The following NECAP2 variants were observed in gnomAD, a reference collection of about 807,000 sequenced individuals.
NECAP2 encodes NECAP endocytosis associated 2.
In NECAP2, 38 loss-of-function variants were observed where a neutral mutation model predicts 37.8. The ratio of observed to expected loss-of-function variants is 1.01; its 90% CI spans 0.78 to 1.32. The LOEUF (loss-of-function observed/expected upper bound fraction) is 1.32, where lower values mean the gene tolerates loss of function less well. NECAP2 is among the 40% of genes most tolerant of loss of function. The pLI is 0.00. For synonymous variants in NECAP2, 121 were observed against 127.7 expected (o/e 0.95, Z 0.35); for missense variants, 316 against 334.5 (o/e 0.94, Z 0.43).
In NECAP2 at chr1:16,455,804, G is replaced by T. The variant is rs1421593729; in HGVS notation, c.668-14G>T. On this transcript the variant is annotated splice_polypyrimidine_tract_variant and intron_variant, in intron 6 of 7. Transcript: ENST00000337132. The stretch of plus-strand genomic sequence containing the variant: ...TCTTCTCTTCCTACGGGTCGGACTC[G>T]GGAACATCAATAGGAGGTGCTCCTG... The T allele has an allele frequency of 1.9e-6, 3 of 1,611,622 alleles. No homozygotes were observed. In the East Asian group the frequency reaches 6.7e-5, roughly 36 times the overall value.
chr1:16,455,644 C>A, intron 6 of NECAP2, 174 bp from the exon 7 acceptor site: 1 of 601,552 alleles, frequency 1.7e-6, no homozygotes, highest in Non-Finnish European at 3.0e-6. Context: ...GGAAGTGTGG[C>A]AACTCAGGGT....
At chr1:16,452,271 T>C (rs1364641329) in intron 6 of NECAP2, among the ~76,000 whole-genome samples, 3 of 152,162 alleles carry the variant, frequency 2.0e-5, no homozygotes, top group African/African-American at 7.2e-5. Context: ...ATCATCAACA[T>C]GTCGGTTCCT....
intron 4 of NECAP2, 67 bp from the exon 5 acceptor site, chr1:16,449,026 T>G: frequency 9.8e-6 from 10 of 1,023,092 alleles, no homozygotes; most frequent in Non-Finnish European, 1.5e-5. Flanking sequence ...AGTAGTGAAG[T>G]GAGCCAGTGA....
intron 1 of NECAP2, 31 bp from the exon 2 acceptor site, chr1:16,443,601 G>C: frequency 6.5e-7 from 1 of 1,544,638 alleles, no homozygotes; most frequent in Non-Finnish European, 8.9e-7. Context: ...AGGAGCCTCT[G>C]GCAGAGATTC....
chr1:16,458,981 T>C lies in NECAP2; in HGVS notation c.*91T>C, dbSNP rs780790297. On this transcript the variant is annotated 3_prime_UTR_variant, in exon 8 of 8. Transcript: ENST00000337132. ...AGGACGAAGCCCTCCTCAGCTGGCC[T>C]GTGTTTGGGGCATGAATCTCTCCTC... 3.7e-6 allele frequency: 6 copies of C among 1,606,978 alleles called. No homozygotes were observed. In the Admixed American group the frequency reaches 8.6e-5, roughly 23 times the overall value.
intron 6 of NECAP2, among the ~76,000 whole-genome samples, chr1:16,452,627 G>C (rs1307947948): frequency 6.6e-6 from 1 of 152,138 alleles, no homozygotes; most frequent in Non-Finnish European, 1.5e-5. Context: ...GAGCACCTCG[G>C]GTGTGGGAAT....
chr1:16,458,606 AAAAAC>A (rs2086963962), intron 7 of NECAP2, among the ~76,000 whole-genome samples: 6 of 150,380 alleles, frequency 4.0e-5, no homozygotes, highest in Admixed American at 3.3e-4. Flanking sequence ...AAACAAAACA[AAAAAC>A]AAAACCACAA....
chr1:16,455,768 T>G, intron 6 of NECAP2, 50 bp from the exon 7 acceptor site: 1 of 1,473,696 alleles, frequency 6.8e-7, no homozygotes. Context: ...GTCTCTGACT[T>G]CTCTGTCCCC....
At chr1:16,449,265 AT>A in intron 5 of NECAP2, 64 bp downstream of exon 5, 2 of 1,112,026 alleles carry the variant, frequency 1.8e-6, no homozygotes. Flanking sequence ...CCCAGAGCCC[AT>A]TGCTCTTCTT....
intron 7 of NECAP2, among the ~76,000 whole-genome samples, chr1:16,456,594 C>T (rs2086923518): frequency 6.6e-6 from 1 of 152,204 alleles, no homozygotes; most frequent in South Asian, 2.1e-4. Context: ...TCATAGAACG[C>T]CTGAGGCTAG....
chr1:16,447,574 A>G (rs1012197297), intron 2 of NECAP2, among the ~76,000 whole-genome samples: 5 of 152,208 alleles, frequency 3.3e-5, no homozygotes, highest in Admixed American at 1.3e-4. Context: ...ACTTATTCTC[A>G]GGTGGGCTTG....
chr1:16,448,979 G>T (rs745676576), intron 4 of NECAP2, 114 bp from the exon 5 acceptor site: 1 of 667,714 alleles, frequency 1.5e-6, no homozygotes, highest in Non-Finnish European at 2.6e-6. Flanking sequence ...CCAGCACCCC[G>T]TCTCACTACG....
chr1:16,450,199 C>T (rs1000033591), intron 5 of NECAP2: 4 of 453,850 alleles, frequency 8.8e-6, no homozygotes, highest in African/African-American at 4.0e-5. Context: ...CTTTCTCTCG[C>T]TTGGAGGAAA....
At chr1:16,442,197 C>T (rs1207773198) in intron 1 of NECAP2, among the ~76,000 whole-genome samples, 1 of 149,064 alleles carries the variant, frequency 6.7e-6, no homozygotes, top group Non-Finnish European at 1.5e-5. Flanking sequence ...AGGCTGGTCT[C>T]GAACTCCCTA....
chr1:16,443,660 T>C lies in NECAP2; in HGVS notation c.121T>C (p.Ser41Pro), dbSNP rs1368884120. 5 of 1,612,328 alleles carry C rather than the reference T, an allele frequency of 3.1e-6. No homozygotes were observed. In the Admixed American group the frequency reaches 8.4e-5, roughly 27 times the overall value. Reference sequence around the variant, plus strand: ...TGCGGAGTGGCAGCTGGACCAGCCATCATGGAGTGGCCGGCTGAGGATCAC... The same window carrying C: ...TGCGGAGTGGCAGCTGGACCAGCCACCATGGAGTGGCCGGCTGAGGATCAC... ...RAAEWQLDQP[S>P]WSGRLRITAK... Residue 41 changes from serine to proline, a missense_variant, in exon 2 of 8, where the codon TCA (serine) becomes CCA (proline). By Grantham distance (74) the Ser-to-Pro change is moderately conservative (BLOSUM62 -1). Coordinates refer to ENST00000337132, the MANE Select transcript of NECAP2 (RefSeq NM_018090.5).
rs549995126 is a variant in NECAP2, at chr1:16,454,121, G to C, written c.668-1697G>C. 8.7e-4 allele frequency among the ~76,000 whole-genome samples: 130 copies of C among 149,750 alleles called. 2 individuals carry two copies. Among genetic ancestry groups the C allele is most frequent in the African/African-American group, 3.1e-3 (125 of 40,654 alleles). On this transcript the variant is annotated intron_variant, in intron 6 of 7. Transcript: ENST00000337132. ...GTTGCCCAGGCTGGAGTGTGATGGC[G>C]CAATCTCGGCTTACCACAACCTCTG...
In NECAP2 at chr1:16,459,165, CTG is replaced by C; in HGVS notation, c.*276_*277del. 1 of 613,926 alleles carries C rather than the reference CTG, an allele frequency of 1.6e-6. No homozygotes were observed. The highest frequency in any genetic ancestry group is 2.9e-5 in the East Asian group (1 of 33,908). The allele number at this position is 613,926 out of a possible 1,614,324, so 38.0% of individuals were successfully genotyped here. Reference sequence around the variant, plus strand: ...CTGTCCTCTTGATGTGAGAGAGACTCTGAGACTTCTTCCATCGCAATGACCTG... The same window carrying C: ...CTGTCCTCTTGATGTGAGAGAGACTCAGACTTCTTCCATCGCAATGACCTG... On this transcript the variant is annotated 3_prime_UTR_variant, in exon 8 of 8. Coordinates refer to ENST00000337132, the MANE Select transcript of NECAP2 (RefSeq NM_018090.5).
intron 5 of NECAP2, chr1:16,451,525 G>T: frequency 3.0e-6 from 1 of 335,174 alleles, no homozygotes; most frequent in Non-Finnish European, 5.5e-6. Flanking sequence ...ACTTCATATC[G>T]TAGTCAATAC....
At chr1:16,455,604 A>G (rs2086905384) in intron 6 of NECAP2, 2 of 550,118 alleles carry the variant, frequency 3.6e-6, no homozygotes, top group Non-Finnish European at 6.5e-6. Flanking sequence ...CGTTTTCTCC[A>G]GAGCGCACAA....
Sources: allele counts gnomAD v4.1 joint callset (sites outside exome capture counted in the v4.1 genomes callset), GRCh38; gene constraint gnomAD v4.1.1; transcripts MANE v1.5; gene names NCBI Gene and HGNC (gene_info 2026-07-23, HGNC 2026-07-21).